The following GALNT14 variants were observed in gnomAD, a reference collection of about 807,000 sequenced individuals.
The protein encoded by GALNT14 is UDP-GalNAc:polypeptide N-acetylgalactosaminyltransferase 14.
GALNT14 carries 60 observed loss-of-function variants against 77.5 expected under a neutral mutation model. The ratio of observed to expected loss-of-function variants is 0.77; its 90% confidence interval spans 0.63 to 0.96. The LOEUF (loss-of-function observed/expected upper bound fraction) is 0.96. Ranked by LOEUF, GALNT14 falls within the 40% of genes least tolerant of loss-of-function variation. GALNT14 has a pLI of 0.00. For missense variants in GALNT14, 710 were observed against 731.0 expected, an observed-to-expected ratio of 0.97 and a Z score of 0.33; for synonymous variants, 280 against 281.7, an observed-to-expected ratio of 0.99 and a Z score of 0.06.
At chr2:30,945,458 G>A (rs1228449590) in intron 7 of GALNT14, among the ~76,000 whole-genome samples, 1 of 152,204 alleles carries the variant, frequency 6.6e-6, no homozygotes, top group African/African-American at 2.4e-5. Flanking sequence ...CTCTAGGAGA[G>A]GGTGGTGCCC....
chr2:30,914,961 C>T (rs928198762), intron 13 of GALNT14, among the ~76,000 whole-genome samples: 4 of 152,186 alleles, frequency 2.6e-5, no homozygotes, highest in Admixed American at 2.6e-4. Context: ...GCCCTGAGAT[C>T]AGTACAAGGG....
chr2:31,106,929 C>A (rs777611634), intron 1 of GALNT14, among the ~76,000 whole-genome samples: 1 of 152,124 alleles, frequency 6.6e-6, no homozygotes, highest in Non-Finnish European at 1.5e-5. Flanking sequence ...AGTAAGCTTT[C>A]TTTGTGGAGG....
chr2:30,942,023 C>T (rs1645125755), intron 9 of GALNT14, among the ~76,000 whole-genome samples, 178 bp downstream of exon 9: 1 of 152,140 alleles, frequency 6.6e-6, no homozygotes, highest in Non-Finnish European at 1.5e-5. Context: ...AACAACTATT[C>T]CTTTGGCACC....
intron 6 of GALNT14, among the ~76,000 whole-genome samples, chr2:30,948,337 C>T (rs1666825895): frequency 6.6e-6 from 1 of 152,186 alleles, no homozygotes; most frequent in African/African-American, 2.4e-5. Context: ...ACCTCTAACC[C>T]CTTGGAATGT....
At chr2:30,895,867 T>C in the GALNT14 span, among the ~76,000 whole-genome samples, 1 of 152,216 alleles carries the variant, frequency 6.6e-6, no homozygotes, top group Admixed American at 6.5e-5. Context: ...CTTTCTGGCA[T>C]AGTACCTGTT....
intron 1 of GALNT14, among the ~76,000 whole-genome samples, chr2:31,110,390 G>T (rs183211433): frequency 6.6e-6 from 1 of 152,264 alleles, no homozygotes; most frequent in African/African-American, 2.4e-5. Context: ...TGAATAAGCC[G>T]AAGATTTAAA....
chr2:31,129,708 CTA>C (rs1678883900), intron 1 of GALNT14: 1 of 833,388 alleles, frequency 1.2e-6, no homozygotes. Context: ...GGACCAGTCT[CTA>C]TGGCTGGGAG....
intron 1 of GALNT14, among the ~76,000 whole-genome samples, chr2:31,136,218 C>T (rs188360276): frequency 6.6e-5 from 10 of 152,198 alleles, no homozygotes; most frequent in African/African-American, 2.2e-4. Flanking sequence ...AGAGTCCTCA[C>T]ACCCACAAGA....
At position 30,991,667 on chromosome 2, in the gene GALNT14, T is replaced by C. The variant is rs1375211714; in HGVS notation, c.299+1171A>G. 2.0e-5 allele frequency among the ~76,000 whole-genome samples: 3 copies of C among 152,194 alleles called. No individual in the cohort carries two copies. In the East Asian group the frequency reaches 5.8e-4, roughly 29 times the overall value. ...ATATCATCTAGTTCACCCCCCTTGCTATATTCATAGGGAAACCAATACTTC... is the reference window on the plus strand; with the variant it reads ...ATATCATCTAGTTCACCCCCCTTGCCATATTCATAGGGAAACCAATACTTC... On this transcript the variant is annotated intron_variant, in intron 2 of 14. Transcript: ENST00000349752.
intron 2 of GALNT14, among the ~76,000 whole-genome samples, chr2:30,986,759 T>A (rs1669324236): frequency 6.6e-6 from 1 of 152,182 alleles, no homozygotes; most frequent in Non-Finnish European, 1.5e-5. Flanking sequence ...TTAAAACACA[T>A]CACCTACCTC....
At chr2:30,922,365 A>G (rs1020950291) in intron 13 of GALNT14, among the ~76,000 whole-genome samples, 5 of 152,112 alleles carry the variant, frequency 3.3e-5, no homozygotes, top group Non-Finnish European at 7.4e-5. Context: ...CTCTCCTGAG[A>G]TCTCATAGCA....
intron 13 of GALNT14, among the ~76,000 whole-genome samples, chr2:30,922,610 T>A (rs1665099015): frequency 6.6e-6 from 1 of 152,214 alleles, no homozygotes; most frequent in Non-Finnish European, 1.5e-5. Context: ...TTTCTACTCA[T>A]CTCTGAGAAT....
At chr2:31,020,193 G>C (rs547230148) in intron 1 of GALNT14, among the ~76,000 whole-genome samples, 117 of 152,246 alleles carry the variant, frequency 7.7e-4, no homozygotes, top group African/African-American at 2.7e-3. Context: ...CAGGAAAACA[G>C]TGTTGGATCA....
At chr2:31,003,158 T>C (rs1166049264) in intron 1 of GALNT14, among the ~76,000 whole-genome samples, 1 of 152,220 alleles carries the variant, frequency 6.6e-6, no homozygotes, top group Non-Finnish European at 1.5e-5. Context: ...TTCATTTTTA[T>C]CTCAGGTACT....
At chr2:30,953,102 A>G (rs1160977660) in intron 6 of GALNT14, among the ~76,000 whole-genome samples, 1 of 152,114 alleles carries the variant, frequency 6.6e-6, no homozygotes, top group Non-Finnish European at 1.5e-5. Flanking sequence ...TTTTTGTTTA[A>G]CATACTCCGG....
chr2:31,106,986 A>G (rs1321857734), intron 1 of GALNT14, among the ~76,000 whole-genome samples: 9 of 152,220 alleles, frequency 5.9e-5, no homozygotes, highest in African/African-American at 2.2e-4. Flanking sequence ...TGGGCTGCTG[A>G]AAAGATTCTG....
intron 1 of GALNT14, chr2:31,079,186 G>T (rs890617636): frequency 9.0e-6 from 5 of 555,006 alleles, no homozygotes; most frequent in Admixed American, 8.5e-5. Context: ...CAGTGTGGAA[G>T]TTGGCTGGAC....
intron 1 of GALNT14, among the ~76,000 whole-genome samples, chr2:31,019,236 C>G (rs1671568797): frequency 6.6e-6 from 1 of 152,186 alleles, no homozygotes. Flanking sequence ...CCACTCAGCC[C>G]TTCTGCTGAC....
chr2:31,091,785 G>C (rs1437278289), intron 1 of GALNT14, among the ~76,000 whole-genome samples: 2 of 152,252 alleles, frequency 1.3e-5, no homozygotes, highest in African/African-American at 4.8e-5. Context: ...TTAATACTTA[G>C]TGTCAGTCAA....
Sources: allele counts gnomAD v4.1 joint callset (sites outside exome capture counted in the v4.1 genomes callset), GRCh38; gene constraint gnomAD v4.1.1; transcripts MANE v1.5; gene names NCBI Gene and HGNC (gene_info 2026-07-23, HGNC 2026-07-21).